Variants in LRRC4C observed in about 807,000 individuals in gnomAD.
LRRC4C encodes the protein leucine-rich repeat-containing protein 4C.
A neutral mutation model predicts 33.6 loss-of-function variants in LRRC4C; 5 were observed. The ratio of observed to expected loss-of-function variants is 0.15; its 90% confidence interval spans 0.08 to 0.31. The LOEUF is 0.31. LRRC4C is among the 10% of genes least tolerant of loss of function. LRRC4C has a pLI of 1.00. For synonymous variants in LRRC4C, 329 were observed against 302.0 expected (o/e 1.09, Z -0.93); for missense variants, 560 against 796.7 (o/e 0.70, Z 3.58).
intron 1 of LRRC4C, among the ~76,000 whole-genome samples, chr11:41,458,299 C>A (rs1590344484): frequency 6.6e-6 from 1 of 152,116 alleles, no homozygotes; most frequent in South Asian, 2.1e-4. Flanking sequence ...CATCCACATG[C>A]ACTGGCAGAT....
intron 1 of LRRC4C, among the ~76,000 whole-genome samples, chr11:40,942,639 G>A (rs752784458): frequency 2.0e-5 from 3 of 152,122 alleles, no homozygotes; most frequent in Non-Finnish European, 4.4e-5. Flanking sequence ...AGCAAGGTGA[G>A]TTATACAAAG....
intron 3 of LRRC4C, among the ~76,000 whole-genome samples, chr11:40,408,361 T>C (rs955343601): frequency 6.6e-6 from 1 of 152,038 alleles, no homozygotes; most frequent in Non-Finnish European, 1.5e-5. Flanking sequence ...AACCGTTTTT[T>C]GGAAAAGCCT....
chr11:40,691,902 G>A (rs1945236095), intron 2 of LRRC4C, among the ~76,000 whole-genome samples: 1 of 152,050 alleles, frequency 6.6e-6, no homozygotes, highest in Non-Finnish European at 1.5e-5. Context: ...TGGATGTGAG[G>A]TGCATTGGAT....
chr11:40,586,551 T>C lies in LRRC4C; in HGVS notation c.-270+61591A>G, dbSNP rs1338981340. 2.7e-5 allele frequency among the ~76,000 whole-genome samples: 4 copies of C among 149,044 alleles called. No homozygotes were observed. In the South Asian group the frequency reaches 8.8e-4, roughly 33 times the overall value. On this transcript the variant is annotated intron_variant, in intron 3 of 6. Transcript: ENST00000528697. ...GTTTTAGACATGAAGTCCTTGCCCATGCCTATGTCCTGAATGGTAATGCCT... is the reference window on the plus strand; with the variant it reads ...GTTTTAGACATGAAGTCCTTGCCCACGCCTATGTCCTGAATGGTAATGCCT...
chr11:40,777,276 T>C (rs1950038542), intron 2 of LRRC4C, among the ~76,000 whole-genome samples: 1 of 152,210 alleles, frequency 6.6e-6, no homozygotes, highest in African/African-American at 2.4e-5. Context: ...GGATTTTTGT[T>C]GTTAGTTTTC....
At chr11:41,093,011 G>A (rs1940539604) in intron 1 of LRRC4C, among the ~76,000 whole-genome samples, 1 of 152,170 alleles carries the variant, frequency 6.6e-6, no homozygotes, top group Non-Finnish European at 1.5e-5. Flanking sequence ...CTAGAACATA[G>A]TGTATATCTG....
chr11:40,943,540 C>T (rs1333136895), intron 1 of LRRC4C, among the ~76,000 whole-genome samples: 2 of 152,154 alleles, frequency 1.3e-5, no homozygotes, highest in Non-Finnish European at 1.5e-5. Context: ...TCATTTAAAC[C>T]AAACTGCCTG....
At chr11:41,353,011 C>A (rs1055508197) in intron 1 of LRRC4C, among the ~76,000 whole-genome samples, 1 of 151,706 alleles carries the variant, frequency 6.6e-6, no homozygotes, top group Admixed American at 6.6e-5. Context: ...ACTTTTTCAG[C>A]AGAAATACTC....
At chr11:41,027,752 G>T (rs967645351) in intron 1 of LRRC4C, among the ~76,000 whole-genome samples, 3 of 151,518 alleles carry the variant, frequency 2.0e-5, no homozygotes, top group Non-Finnish European at 4.4e-5. Flanking sequence ...TATTGTTGAG[G>T]GCCATGGAGT....
At chr11:41,088,524 G>T (rs1425060715) in intron 1 of LRRC4C, among the ~76,000 whole-genome samples, 1 of 152,024 alleles carries the variant, frequency 6.6e-6, no homozygotes, top group Non-Finnish European at 1.5e-5. Flanking sequence ...ATAGTCACCA[G>T]GTGGCTTCCT....
chr11:40,556,251 A>G (rs2135476686), intron 3 of LRRC4C, among the ~76,000 whole-genome samples: 1 of 152,344 alleles, frequency 6.6e-6, no homozygotes, highest in South Asian at 2.1e-4. Flanking sequence ...TGTATATCCT[A>G]TAGGGGGTCT....
intron 2 of LRRC4C, among the ~76,000 whole-genome samples, chr11:40,684,291 CAAATA>C (rs1591458477): frequency 1.3e-5 from 2 of 151,264 alleles, no homozygotes; most frequent in South Asian, 2.1e-4. Flanking sequence ...AAAAAAGAAT[CAAATA>C]AAACTACTAG....
In LRRC4C at chr11:40,747,626, G is replaced by A. The variant is rs73475332; in HGVS notation, c.-406-99348C>T. ...AATTATTTATTCTAAAAAAGCTAGT[G>A]AGATACCAAAATAATTCTTAAGAGC... On this transcript the variant is annotated intron_variant, in intron 2 of 6. Coordinates refer to ENST00000528697, the MANE Select transcript of LRRC4C (RefSeq NM_001258419.2). Among the ~76,000 whole-genome samples the A allele has an allele frequency of 5.1e-3, 781 of 152,032 alleles. 11 individuals are homozygous for A. The highest frequency in any genetic ancestry group is 0.018 in the African/African-American group (757 of 41,510).
chr11:40,597,630 G>T (rs933990613), intron 3 of LRRC4C, among the ~76,000 whole-genome samples: 6 of 80,338 alleles, frequency 7.5e-5, no homozygotes, highest in African/African-American at 1.1e-4. Flanking sequence ...CACTGCCCAG[G>T]TTCAATTATT....
chr11:40,797,163 A>T (rs187439922), intron 2 of LRRC4C, among the ~76,000 whole-genome samples: 10 of 152,324 alleles, frequency 6.6e-5, no homozygotes, highest in African/African-American at 2.2e-4. Flanking sequence ...AGAGAAAAAA[A>T]TTTTTAAAGG....
intron 2 of LRRC4C, among the ~76,000 whole-genome samples, chr11:40,870,016 G>A (rs879900012): frequency 2.2e-4 from 33 of 152,126 alleles, no homozygotes; most frequent in Non-Finnish European, 3.5e-4. Context: ...CTGTGGTGCC[G>A]TGTGACTCAG....
At chr11:40,389,656 C>A (rs775746803) in intron 3 of LRRC4C, among the ~76,000 whole-genome samples, 4 of 152,060 alleles carry the variant, frequency 2.6e-5, no homozygotes, top group Non-Finnish European at 4.4e-5. Flanking sequence ...TATTACAGTA[C>A]CTTCCCTAAT....
rs1192925073 is a variant in LRRC4C, at chr11:40,888,413, T to C, written c.-407+45222A>G. Reference sequence around the variant, plus strand: ...ATATCTAAAGACAGTATTCAATCTATTGCATGTATATGTTCGAAGATTACC... The same window carrying C: ...ATATCTAAAGACAGTATTCAATCTACTGCATGTATATGTTCGAAGATTACC... On this transcript the variant is annotated intron_variant, in intron 2 of 6. Transcript: ENST00000528697. 2.0e-5 allele frequency among the ~76,000 whole-genome samples: 3 copies of C among 152,106 alleles called. No individual in the cohort carries two copies. In the East Asian group the frequency reaches 5.8e-4, roughly 29 times the overall value.
chr11:40,883,705 G>A (rs1282072157), intron 2 of LRRC4C, among the ~76,000 whole-genome samples: 1 of 151,624 alleles, frequency 6.6e-6, no homozygotes, highest in Non-Finnish European at 1.5e-5. Flanking sequence ...CTTTAAAAAT[G>A]CTACTTCAGG....
Sources: allele counts gnomAD v4.1 joint callset (sites outside exome capture counted in the v4.1 genomes callset), GRCh38; gene constraint gnomAD v4.1.1; transcripts MANE v1.5; gene names NCBI Gene and HGNC (gene_info 2026-07-23, HGNC 2026-07-21).